Variants in KCNN3 observed in about 807,000 individuals in gnomAD.
KCNN3 encodes the protein potassium calcium-activated channel subfamily N member 3.
KCNN3 carries 16 observed loss-of-function variants against 62.9 expected under a neutral mutation model. The observed-to-expected ratio is 0.25, with a 90% CI of 0.17 to 0.39. The LOEUF (loss-of-function observed/expected upper bound fraction) is 0.39, where lower values mean the gene tolerates loss of function less well. Ranked by LOEUF, KCNN3 falls within the 10% of genes least tolerant of loss-of-function variation. KCNN3 has a pLI of 1.00. For missense variants in KCNN3, 599 were observed against 949.4 expected (o/e 0.63, Z 4.85); for synonymous variants, 370 against 389.2 (o/e 0.95, Z 0.58).
At chr1:154,763,854 T>C (rs1014933541) in intron 3 of KCNN3, among the ~76,000 whole-genome samples, 4 of 152,252 alleles carry the variant, frequency 2.6e-5, no homozygotes, top group Admixed American at 6.5e-5. Context: ...GGCTACAAAG[T>C]GCTCAATTAA....
chr1:154,797,188 G>C (rs1649770416), intron 2 of KCNN3, among the ~76,000 whole-genome samples: 1 of 152,170 alleles, frequency 6.6e-6, no homozygotes. Context: ...GTCTGGCCTT[G>C]GGGTCCCTTA....
chr1:154,780,591 A>G (rs1358878031), intron 2 of KCNN3, among the ~76,000 whole-genome samples: 4 of 134,028 alleles, frequency 3.0e-5, no homozygotes, highest in African/African-American at 1.1e-4. Context: ...TATATGTTTT[A>G]TATTTTATAT....
At chr1:154,786,584 G>A (rs560768539) in intron 2 of KCNN3, among the ~76,000 whole-genome samples, 4 of 152,216 alleles carry the variant, frequency 2.6e-5, no homozygotes, top group South Asian at 4.1e-4. Flanking sequence ...TTTTAAAAAA[G>A]CAAACACCAA....
intron 1 of KCNN3, among the ~76,000 whole-genome samples, chr1:154,865,010 T>C (rs1421586596): frequency 6.6e-6 from 1 of 151,954 alleles, no homozygotes; most frequent in African/African-American, 2.4e-5. Context: ...CTGGGTGCCT[T>C]GCCAGCCACA....
chr1:154,863,656 C>T (rs950569350), intron 1 of KCNN3, among the ~76,000 whole-genome samples: 2 of 151,904 alleles, frequency 1.3e-5, no homozygotes, highest in African/African-American at 2.4e-5. Flanking sequence ...ACTTTCTTTA[C>T]CTTATATTTT....
chr1:154,716,012 T>C (rs58892549), intron 5 of KCNN3, among the ~76,000 whole-genome samples: 12,369 of 152,278 alleles, frequency 0.081, 707 homozygotes, highest in African/African-American at 0.17. Context: ...TTCAGAGCAA[T>C]GTCTGAAAAT....
intron 2 of KCNN3, among the ~76,000 whole-genome samples, chr1:154,796,718 A>G (rs1649749413): frequency 6.6e-6 from 1 of 152,254 alleles, no homozygotes. Flanking sequence ...TCAGCATGCC[A>G]GCTCACCGGT....
intron 1 of KCNN3, among the ~76,000 whole-genome samples, chr1:154,864,679 C>T (rs181412218): frequency 2.6e-5 from 4 of 152,344 alleles, no homozygotes; most frequent in East Asian, 3.9e-4. Flanking sequence ...GACAGGGCAG[C>T]CTGGATAAGC....
At chr1:154,774,305 AG>A (rs1483038895) in intron 2 of KCNN3, among the ~76,000 whole-genome samples, 1 of 152,242 alleles carries the variant, frequency 6.6e-6, no homozygotes, top group African/African-American at 2.4e-5. Flanking sequence ...TCACCTCATG[AG>A]GATGGCTGTT....
At chr1:154,852,535 A>G (rs1029142305) in intron 1 of KCNN3, among the ~76,000 whole-genome samples, 1 of 152,066 alleles carries the variant, frequency 6.6e-6, no homozygotes, top group Admixed American at 6.5e-5. Context: ...TTAATTGTAA[A>G]TTTTATAAAC....
chr1:154,834,095 C>A (rs533238909), intron 1 of KCNN3, among the ~76,000 whole-genome samples: 1 of 152,304 alleles, frequency 6.6e-6, no homozygotes, highest in East Asian at 1.9e-4. Context: ...TGGTGGAGAC[C>A]AAACACAGGC....
intron 2 of KCNN3, among the ~76,000 whole-genome samples, chr1:154,813,421 C>T (rs1018670564): frequency 2.0e-5 from 3 of 152,096 alleles, no homozygotes; most frequent in Non-Finnish European, 4.4e-5. Flanking sequence ...CCTCCTCTTC[C>T]TGGGAGGCTT....
At chr1:154,831,365 T>A (rs1440632504) in intron 1 of KCNN3, among the ~76,000 whole-genome samples, 3 of 152,166 alleles carry the variant, frequency 2.0e-5, no homozygotes, top group African/African-American at 4.8e-5. Flanking sequence ...TGGAAGCCCA[T>A]CAAGCACCAA....
chr1:154,800,457 T>C (rs1649907158), intron 2 of KCNN3, among the ~76,000 whole-genome samples: 1 of 152,192 alleles, frequency 6.6e-6, no homozygotes, highest in Non-Finnish European at 1.5e-5. Flanking sequence ...TCAGAGGATC[T>C]TTCTGGCCCA....
In KCNN3 at chr1:154,733,164, A is replaced by C. The variant is rs761873539; in HGVS notation, c.1449-20T>G. On this transcript the variant is annotated intron_variant, in intron 3 of 7. Coordinates refer to ENST00000271915, the MANE Select transcript of KCNN3 (RefSeq NM_002249.6). The stretch of plus-strand genomic sequence containing the variant: ...TGGTACCTGCCAATGGGAAGACAGG[A>C]GTTAGTCGATGAACAGCCATTCCTG... The C allele has an allele frequency of 1.2e-6, 2 of 1,614,052 alleles. No homozygotes were observed. Among genetic ancestry groups the C allele is most frequent in the South Asian group, 2.2e-5 (2 of 91,076 alleles).
rs60145117 is a variant in KCNN3, at chr1:154,868,900, A to ATCTCTCTC, written c.933+124_933+131dup. On this transcript the variant is annotated intron_variant, in intron 1 of 7. Transcript: ENST00000271915. ...TCCCAGTCTCCCTCCCAATCTCTCA[A>ATCTCTCTC]TCTCTCTCTCTCTCTCTCTCTCTCT... The ATCTCTCTC allele has an allele frequency of 2.2e-3, 1,681 of 758,814 alleles. 3 individuals are homozygous for ATCTCTCTC. The highest frequency in any genetic ancestry group is 3.8e-3 in the Middle Eastern group (14 of 3,640). The allele number at this position is 758,814 out of a possible 1,614,324, so 47.0% of individuals were successfully genotyped here. A position where few individuals can be genotyped will look rare whatever the true frequency, so the allele number is the denominator to read the frequency against.
At chr1:154,737,531 A>G (rs1038068535) in intron 3 of KCNN3, among the ~76,000 whole-genome samples, 10 of 152,310 alleles carry the variant, frequency 6.6e-5, no homozygotes, top group African/African-American at 2.2e-4. Context: ...CACAGATCAA[A>G]CCAGTCAACT....
intron 1 of KCNN3, among the ~76,000 whole-genome samples, chr1:154,824,182 G>T (rs1030180943): frequency 1.3e-5 from 2 of 152,144 alleles, no homozygotes; most frequent in Non-Finnish European, 2.9e-5. Flanking sequence ...TTTCTACATT[G>T]CATGGGGTCG....
At chr1:154,800,678 C>G (rs114307026) in intron 2 of KCNN3, among the ~76,000 whole-genome samples, 1 of 152,086 alleles carries the variant, frequency 6.6e-6, no homozygotes, top group Non-Finnish European at 1.5e-5. Context: ...TTCCTGGGGG[C>G]CCATTAAGCA....
Sources: gnomAD v4.1 joint callset for allele counts (sites outside exome capture counted in the v4.1 genomes callset) on GRCh38, gnomAD v4.1.1 for gene constraint, MANE v1.5 for transcripts, NCBI Gene and HGNC (gene_info 2026-07-23, HGNC 2026-07-21) for gene names.